The following GPC5 variants were observed in gnomAD, a reference collection of about 807,000 sequenced individuals.
GPC5 encodes the protein glypican 5.
GPC5 carries 47 observed loss-of-function variants against 53.9 expected under a neutral mutation model. The ratio of observed to expected loss-of-function variants is 0.87; its 90% confidence interval spans 0.69 to 1.11. The LOEUF (loss-of-function observed/expected upper bound fraction) is 1.11. Among genes scored for constraint, GPC5 ranks in the 50% most tolerant of loss-of-function variants. GPC5 has a pLI of 0.00. For missense variants in GPC5, 748 were observed against 713.1 expected (o/e 1.05, Z -0.56); for synonymous variants, 286 against 263.3 (o/e 1.09, Z -0.84).
Position 92,294,188 on chromosome 13 carries a change from A to G in GPC5, c.1561+149199A>G, listed in dbSNP as rs574336049. ...TATGTCCTTTCCTGGTTTTGGTATT[A>G]GTGTGATACTGGCTTCATAGAATGA... is the stretch of plus-strand genomic sequence containing the variant. On this transcript the variant is annotated intron_variant, in intron 7 of 7. Coordinates refer to ENST00000377067, the MANE Select transcript of GPC5 (RefSeq NM_004466.6). 1.9e-4 allele frequency among the ~76,000 whole-genome samples: 29 copies of G among 152,236 alleles called. No homozygotes were observed. In the South Asian group the frequency reaches 4.2e-3, roughly 22 times the overall value.
At chr13:92,805,995 C>T (rs1451825930) in intron 7 of GPC5, among the ~76,000 whole-genome samples, 2 of 151,992 alleles carry the variant, frequency 1.3e-5, no homozygotes, top group East Asian at 1.9e-4. Flanking sequence ...GGCTAGCTCT[C>T]CAGCTCTCTA....
intron 7 of GPC5, among the ~76,000 whole-genome samples, chr13:92,450,551 G>A (rs994694485): frequency 6.6e-6 from 1 of 152,118 alleles, no homozygotes; most frequent in Non-Finnish European, 1.5e-5. Flanking sequence ...GATTGGGGAT[G>A]TTCAACCTGG....
At chr13:91,916,898 G>C (rs1277061714) in intron 6 of GPC5, among the ~76,000 whole-genome samples, 1 of 152,090 alleles carries the variant, frequency 6.6e-6, no homozygotes, top group Non-Finnish European at 1.5e-5. Context: ...GACATAAGGG[G>C]GTTATGGGAA....
intron 7 of GPC5, among the ~76,000 whole-genome samples, chr13:92,230,663 T>C (rs906009565): frequency 2.0e-5 from 3 of 152,120 alleles, no homozygotes; most frequent in East Asian, 3.9e-4. Flanking sequence ...AAACTCGAGA[T>C]ATAGCTTGAT....
chr13:92,418,802 A>G lies in GPC5; in HGVS notation c.1561+273813A>G, dbSNP rs530938762. 1.4e-4 allele frequency among the ~76,000 whole-genome samples: 21 copies of G among 152,324 alleles called. No individual in the cohort carries two copies. In the South Asian group the frequency reaches 3.1e-3, roughly 23 times the overall value. The stretch of plus-strand genomic sequence containing the variant: ...TTCAGCTTTTGTGTGATGAACAGGA[A>G]GAAAGGGGAGTTACCAGAAATATTT... On this transcript the variant is annotated intron_variant, in intron 7 of 7. Transcript: ENST00000377067.
chr13:92,752,276 C>G (rs182266752), intron 7 of GPC5, among the ~76,000 whole-genome samples: 3 of 152,152 alleles, frequency 2.0e-5, no homozygotes, highest in African/African-American at 7.2e-5. Context: ...TTGTGACAAT[C>G]CAAAGTATCT....
Position 91,947,463 on chromosome 13 carries a change from C to G in GPC5, c.1401+39406C>G, listed in dbSNP as rs183796072. The stretch of plus-strand genomic sequence containing the variant: ...TTAATTAATTAAGTTTAATTTTGGT[C>G]TCCAGTTTTCGACTTCATAATTTAT... On this transcript the variant is annotated intron_variant, in intron 6 of 7. Transcript: ENST00000377067. Among the ~76,000 whole-genome samples, 4 of 152,202 alleles carry G rather than the reference C, an allele frequency of 2.6e-5. No homozygotes were observed. In the South Asian group the frequency reaches 8.3e-4, roughly 32 times the overall value.
chr13:91,828,685 A>T (rs1234080125), intron 5 of GPC5, among the ~76,000 whole-genome samples: 4 of 152,086 alleles, frequency 2.6e-5, no homozygotes, highest in Admixed American at 2.6e-4. Flanking sequence ...CAAACTGAAG[A>T]AGCTCCAAAT....
intron 7 of GPC5, among the ~76,000 whole-genome samples, chr13:92,375,974 A>G (rs2043690801): frequency 6.6e-6 from 1 of 152,184 alleles, no homozygotes; most frequent in Non-Finnish European, 1.5e-5. Context: ...TTGCGGAGCT[A>G]TGCTAATGGG....
intron 2 of GPC5, among the ~76,000 whole-genome samples, chr13:91,459,580 G>T (rs1410948694): frequency 6.6e-6 from 1 of 151,998 alleles, no homozygotes; most frequent in Non-Finnish European, 1.5e-5. Flanking sequence ...TGTAGGAGGG[G>T]CTTCCACATG....
chr13:91,871,962 G>T (rs1209652957), intron 5 of GPC5, among the ~76,000 whole-genome samples: 1 of 152,056 alleles, frequency 6.6e-6, no homozygotes, highest in Non-Finnish European at 1.5e-5. Flanking sequence ...AGGCAAAATT[G>T]CGGTGGAAAG....
chr13:92,734,360 T>C (rs946274000), intron 7 of GPC5, among the ~76,000 whole-genome samples: 3 of 151,760 alleles, frequency 2.0e-5, no homozygotes, highest in African/African-American at 7.2e-5. Flanking sequence ...ATACAGATAT[T>C]GTTAGTGTCA....
chr13:92,599,827 T>G (rs35707932), intron 7 of GPC5, among the ~76,000 whole-genome samples: 60,735 of 151,694 alleles, frequency 0.4, 14,808 homozygotes, highest in East Asian at 0.73. Context: ...AAAAAAAAAT[T>G]ATTCTGGTAA....
chr13:91,764,712 T>C (rs1237844935), intron 5 of GPC5, among the ~76,000 whole-genome samples: 1 of 152,182 alleles, frequency 6.6e-6, no homozygotes, highest in African/African-American at 2.4e-5. Flanking sequence ...CTTTTCAGGT[T>C]CGTGTGCCAA....
intron 4 of GPC5, among the ~76,000 whole-genome samples, chr13:91,756,053 C>T (rs1414161411): frequency 2.4e-5 from 3 of 125,032 alleles, no homozygotes; most frequent in African/African-American, 9.3e-5. Context: ...CAAGAATAAA[C>T]TAAAATACTA....
At chr13:92,576,022 G>A (rs892078808) in intron 7 of GPC5, among the ~76,000 whole-genome samples, 2 of 152,090 alleles carry the variant, frequency 1.3e-5, no homozygotes, top group African/African-American at 2.4e-5. Flanking sequence ...TGGCCCCCAT[G>A]CCATCTCAGT....
At chr13:92,034,144 T>TA (rs1044944261) in intron 6 of GPC5, among the ~76,000 whole-genome samples, 5 of 152,102 alleles carry the variant, frequency 3.3e-5, no homozygotes, top group Admixed American at 6.5e-5. Context: ...ACCTCATTCA[T>TA]AAAAAATCTA....
intron 6 of GPC5, among the ~76,000 whole-genome samples, chr13:91,981,390 C>T (rs543836799): frequency 3.3e-5 from 5 of 151,816 alleles, no homozygotes; most frequent in South Asian, 2.1e-4. Flanking sequence ...CCCGGGTTCA[C>T]GCCATTCTCC....
At chr13:92,822,842 C>A (rs182898460) in intron 7 of GPC5, among the ~76,000 whole-genome samples, 2 of 152,122 alleles carry the variant, frequency 1.3e-5, no homozygotes, top group Non-Finnish European at 2.9e-5. Context: ...TCTTACGGAT[C>A]TTGTCTTGGG....
Sources: allele counts gnomAD v4.1 joint callset (sites outside exome capture counted in the v4.1 genomes callset), GRCh38; gene constraint gnomAD v4.1.1; transcripts MANE v1.5; gene names NCBI Gene and HGNC (gene_info 2026-07-23, HGNC 2026-07-21).